MAST4: variants seen among roughly 807,000 people sequenced by gnomAD.
MAST4 encodes microtubule associated serine/threonine kinase family member 4.
Under a neutral mutation model 162.7 loss-of-function variants are expected in MAST4, and 89 were observed. The observed-to-expected ratio is 0.55, with a 90% confidence interval of 0.46 to 0.65. MAST4 has a LOEUF of 0.65. Among genes scored for constraint, MAST4 ranks in the 30% least tolerant of loss-of-function variants. The pLI, the probability that MAST4 is intolerant of heterozygous loss-of-function variation, is 0.00. For synonymous variants in MAST4, 1,479 were observed against 1,361.1 expected (o/e 1.09, Z -1.91); for missense variants, 3,153 against 3,374.0 (o/e 0.93, Z 1.62).
In MAST4 at chr5:67,144,724, CTG is replaced by C; in HGVS notation, c.2789_2790del (p.Val930GlyfsTer22). ...AATTCAGCAGAAGAGAAGGAAGACT[CTG>C]TGGACAAAACCAAAAGCACCACCTT... On this transcript the variant is annotated frameshift_variant, in exon 22 of 29. Transcript: ENST00000403625. LOFTEE classifies it high-confidence loss of function. 6.2e-7 allele frequency: 1 copy of C among 1,613,928 alleles called. No individual in the cohort carries two copies. The highest frequency in any genetic ancestry group is 8.5e-7 in the Non-Finnish European group (1 of 1,179,844).
At chr5:67,016,351 T>C (rs1316314155) in intron 4 of MAST4, among the ~76,000 whole-genome samples, 2 of 152,196 alleles carry the variant, frequency 1.3e-5, no homozygotes, top group African/African-American at 4.8e-5. Flanking sequence ...CCAAAAGAAA[T>C]ACAGCTCCAA....
chr5:66,663,557 G>A (rs1747048003), intron 1 of MAST4, among the ~76,000 whole-genome samples: 1 of 152,134 alleles, frequency 6.6e-6, no homozygotes, highest in Non-Finnish European at 1.5e-5. Context: ...TGATTCACAT[G>A]GATGTCAGGG....
chr5:66,902,107 A>C (rs557602747), intron 4 of MAST4, among the ~76,000 whole-genome samples: 1 of 152,190 alleles, frequency 6.6e-6, no homozygotes, highest in South Asian at 2.1e-4. Context: ...AAATCTTTTT[A>C]TATCTTCTCT....
chr5:66,648,034 A>ATGTGTGTG lies in MAST4; in HGVS notation c.363+51059_363+51066dup, dbSNP rs745965169. Among the ~76,000 whole-genome samples, 16 of 119,072 alleles carry ATGTGTGTG rather than the reference A, an allele frequency of 1.3e-4. 1 individual carries two copies. Among genetic ancestry groups the ATGTGTGTG allele is most frequent in the East Asian group, 1.2e-3 (4 of 3,464 alleles). The allele number at this position is 119,072 out of a possible 152,430, so 78.1% of individuals were successfully genotyped here. On this transcript the variant is annotated intron_variant, in intron 1 of 28. Coordinates refer to ENST00000403625, the MANE Select transcript of MAST4 (RefSeq NM_001164664.2). The stretch of plus-strand genomic sequence containing the variant: ...AATGTAGGCCTGTGTGTGTTAGGTA[A>ATGTGTGTG]TGTGTGTGTGTGTGTGTGTGTGTGT...
intron 5 of MAST4, among the ~76,000 whole-genome samples, chr5:67,078,838 TTAAA>T (rs1308343385): frequency 4.5e-5 from 5 of 110,992 alleles, no homozygotes; most frequent in East Asian, 2.2e-4. Context: ...ATTTATATAT[TTAAA>T]TATATTTATA....
chr5:66,885,017 T>A (rs768759189), intron 3 of MAST4, among the ~76,000 whole-genome samples: 1 of 152,240 alleles, frequency 6.6e-6, no homozygotes, highest in Non-Finnish European at 1.5e-5. Context: ...CGGAGTGTTA[T>A]GCAAGTAGCT....
At chr5:66,971,781 C>T (rs1161004449) in intron 4 of MAST4, among the ~76,000 whole-genome samples, 1 of 151,812 alleles carries the variant, frequency 6.6e-6, no homozygotes, top group African/African-American at 2.4e-5. Context: ...AAAGTTATAT[C>T]CTATGTTCCA....
intron 2 of MAST4, 65 bp from the exon 3 acceptor site, chr5:66,788,605 C>CCCAA: frequency 7.4e-7 from 1 of 1,344,528 alleles, no homozygotes; most frequent in African/African-American, 1.5e-5. Context: ...CACCCCCACC[C>CCCAA]CCATTGCAAT....
At chr5:66,829,293 C>T (rs1757441155) in intron 3 of MAST4, among the ~76,000 whole-genome samples, 1 of 152,048 alleles carries the variant, frequency 6.6e-6, no homozygotes, top group African/African-American at 2.4e-5. Flanking sequence ...TCGGCGGCAT[C>T]TGTCTGATCG....
intron 3 of MAST4, among the ~76,000 whole-genome samples, chr5:66,793,287 C>T: frequency 6.6e-6 from 1 of 152,200 alleles, no homozygotes; most frequent in East Asian, 1.9e-4. Flanking sequence ...AGAATACATG[C>T]TCAGCCAGTG....
rs77358531 is a variant in MAST4, at chr5:66,732,393, C to G, written c.364-27316C>G. On this transcript the variant is annotated intron_variant, in intron 1 of 28. Transcript: ENST00000403625. ...TTCCCCAGTTTGCCTACACTGTTGC[C>G]TCTGATAGAAAAGCTTTTCTTAACA... Among the ~76,000 whole-genome samples the G allele has an allele frequency of 3.0e-3, 463 of 152,250 alleles. 7 individuals are homozygous for G. The East Asian group carries it at 0.043, about 14-fold the overall frequency.
intron 4 of MAST4, among the ~76,000 whole-genome samples, chr5:66,909,279 T>C (rs1407266102): frequency 6.6e-6 from 1 of 152,160 alleles, no homozygotes; most frequent in Non-Finnish European, 1.5e-5. Flanking sequence ...AGATGACACA[T>C]GTGTTCTGGC....
chr5:66,799,492 A>T (rs1485957359), intron 3 of MAST4, among the ~76,000 whole-genome samples: 1 of 152,186 alleles, frequency 6.6e-6, no homozygotes, highest in South Asian at 2.1e-4. Context: ...TGAACCTAGG[A>T]TATTTCCTTG....
At chr5:66,769,308 C>T (rs1346907287) in intron 2 of MAST4, among the ~76,000 whole-genome samples, 2 of 151,982 alleles carry the variant, frequency 1.3e-5, no homozygotes, top group Non-Finnish European at 2.9e-5. Context: ...GGGGCTCGAG[C>T]CAAAGCCAGT....
chr5:67,145,916 A>T (rs565674886), intron 23 of MAST4, among the ~76,000 whole-genome samples: 1 of 152,212 alleles, frequency 6.6e-6, no homozygotes, highest in Non-Finnish European at 1.5e-5. Flanking sequence ...GTACCAAGTA[A>T]TTTCTCTCTC....
rs577410000 is a variant in MAST4 at position 66,611,350 on chromosome 5, T to G, written c.363+14332T>G. Among the ~76,000 whole-genome samples the G allele has an allele frequency of 1.4e-4, 21 of 152,286 alleles. No homozygotes were observed. In the South Asian group the frequency reaches 1.7e-3, roughly 12 times the overall value. On this transcript the variant is annotated intron_variant, in intron 1 of 28. Transcript: ENST00000403625. ...GTTTTTGGAACTCAGACCCACAGAG[T>G]TTGTGGACGGATGTCTGCATCATTT...
At chr5:67,124,516 A>G (rs941400393) in intron 14 of MAST4, among the ~76,000 whole-genome samples, 10 of 152,178 alleles carry the variant, frequency 6.6e-5, no homozygotes, top group Admixed American at 1.3e-4. Context: ...TACTAAATAA[A>G]CAAATTTCAA....
At position 66,928,842 on chromosome 5, in the gene MAST4, T is replaced by C. The variant is rs183244031; in HGVS notation, c.674+28860T>C. 1.9e-3 allele frequency among the ~76,000 whole-genome samples: 284 copies of C among 152,298 alleles called. 2 individuals are homozygous for C. Among genetic ancestry groups the C allele is most frequent in the Non-Finnish European group, 2.3e-3 (156 of 68,040 alleles). On this transcript the variant is annotated intron_variant, in intron 4 of 28. Transcript: ENST00000403625. ...AGTGCTCTTCTGTGCTAGAAGGCCA[T>C]TGCCCGCTCAGTAGTGGTGTCTCCT...
intron 3 of MAST4, among the ~76,000 whole-genome samples, chr5:66,812,377 G>A (rs2069947152): frequency 1.3e-5 from 2 of 152,086 alleles, no homozygotes; most frequent in Admixed American, 6.6e-5. Context: ...AAATCCCATC[G>A]CTAACACAAA....
Sources: gnomAD v4.1 joint callset for allele counts (sites outside exome capture counted in the v4.1 genomes callset) on GRCh38, gnomAD v4.1.1 for gene constraint, MANE v1.5 for transcripts, NCBI Gene and HGNC (gene_info 2026-07-23, HGNC 2026-07-21) for gene names.